ME3: variants seen among roughly 807,000 people sequenced by gnomAD.
The protein encoded by ME3 is NADP-dependent malic enzyme, mitochondrial.
Under a neutral mutation model 68.9 loss-of-function variants are expected in ME3, and 48 were observed. The observed-to-expected ratio is 0.70, with a 90% CI of 0.55 to 0.89. The LOEUF (loss-of-function observed/expected upper bound fraction) is 0.89, where lower values mean the gene tolerates loss of function less well. Among genes scored for constraint, ME3 ranks in the 40% least tolerant of loss-of-function variants. The probability of loss-of-function intolerance (pLI) is 0.00; values close to 1 mark genes in which losing one functional copy is unlikely to be tolerated. For missense variants in ME3, 675 were observed against 797.4 expected (o/e 0.85, Z 1.85); for synonymous variants, 320 against 318.8 (o/e 1.00, Z -0.04).
chr11:86,490,412 C>T (rs1951930547), intron 6 of ME3, among the ~76,000 whole-genome samples: 2 of 152,120 alleles, frequency 1.3e-5, no homozygotes, highest in Admixed American at 6.5e-5. Context: ...GAAAGTGGTG[C>T]ATACATGGTG....
chr11:86,666,691 C>T (rs1041314627), intron 2 of ME3, among the ~76,000 whole-genome samples: 2 of 152,174 alleles, frequency 1.3e-5, no homozygotes, highest in Admixed American at 1.3e-4. Flanking sequence ...GAGTAAATTG[C>T]CACTTATGGA....
intron 2 of ME3, among the ~76,000 whole-genome samples, chr11:86,560,273 G>A (rs770359055): frequency 9.2e-5 from 14 of 152,036 alleles, no homozygotes; most frequent in Non-Finnish European, 1.9e-4. Flanking sequence ...CATGAGATCT[G>A]GTTGTTTGAT....
intron 7 of ME3, among the ~76,000 whole-genome samples, chr11:86,484,709 CA>C (rs747656459): frequency 5.9e-5 from 9 of 152,142 alleles, no homozygotes; most frequent in Non-Finnish European, 1.3e-4. Context: ...AAACAGGAAG[CA>C]AAAAGTGGGC....
At chr11:86,578,508 C>G (rs189978468) in intron 2 of ME3, among the ~76,000 whole-genome samples, 4 of 152,222 alleles carry the variant, frequency 2.6e-5, no homozygotes, top group Admixed American at 2.6e-4. Context: ...GAACTGGACA[C>G]GAGACAACCA....
chr11:86,506,897 T>C (rs1267498828), intron 5 of ME3, among the ~76,000 whole-genome samples: 1 of 152,216 alleles, frequency 6.6e-6, no homozygotes, highest in East Asian at 1.9e-4. Flanking sequence ...CTAGACATGC[T>C]GTGGAAACTT....
At chr11:86,531,353 G>C (rs1356469185) in intron 4 of ME3, among the ~76,000 whole-genome samples, 2 of 151,992 alleles carry the variant, frequency 1.3e-5, no homozygotes, top group African/African-American at 4.8e-5. Flanking sequence ...GAAACAACAG[G>C]TGCTGGAGAG....
chr11:86,440,032 A>G (rs1189892560), downstream of ME3, among the ~76,000 whole-genome samples: 1 of 152,206 alleles, frequency 6.6e-6, no homozygotes, highest in Non-Finnish European at 1.5e-5. Flanking sequence ...AGACCTGAGC[A>G]AGAAGTGAGT....
At chr11:86,637,704 A>G (rs1944424223) in intron 2 of ME3, among the ~76,000 whole-genome samples, 1 of 152,152 alleles carries the variant, frequency 6.6e-6, no homozygotes, top group African/African-American at 2.4e-5. Context: ...GAAGCACAGG[A>G]AACTTTTTAA....
In ME3 at chr11:86,475,874, TAG is replaced by T. The variant is rs1555206746; in HGVS notation, c.810-10676_810-10675del. On this transcript the variant is annotated intron_variant, in intron 7 of 14. Coordinates refer to ENST00000543262, the Ensembl canonical transcript of ME3. ...CAGTATATATATATATATATATATA[TAG>T]AGAGAGAGAGAGAGAGAGAGAGAGA... 9.2e-3 allele frequency among the ~76,000 whole-genome samples: 844 copies of T among 91,462 alleles called. 15 individuals are homozygous for T. The highest frequency in any genetic ancestry group is 0.063 in the East Asian group (228 of 3,632). 60.0% of individuals were successfully genotyped at this position (91,462 alleles called of 152,430 possible).
chr11:86,532,091 T>A (rs10444371), intron 4 of ME3, among the ~76,000 whole-genome samples: 36,415 of 151,650 alleles, frequency 0.24, 4,480 homozygotes, highest in African/African-American at 0.27. Context: ...GACAGAACAG[T>A]ATAGATATTA....
chr11:86,613,148 C>T (rs941235382), intron 2 of ME3, among the ~76,000 whole-genome samples: 2 of 152,114 alleles, frequency 1.3e-5, no homozygotes, highest in African/African-American at 4.8e-5. Context: ...TTCCCAGCAC[C>T]GTTTACTAAA....
chr11:86,473,787 A>T (rs1950911679), intron 7 of ME3, among the ~76,000 whole-genome samples: 2 of 152,134 alleles, frequency 1.3e-5, no homozygotes, highest in South Asian at 2.1e-4. Flanking sequence ...GGGTGAAAAA[A>T]CTGGATACCG....
intron 2 of ME3, among the ~76,000 whole-genome samples, chr11:86,669,596 A>C (rs955087562): frequency 1.3e-5 from 2 of 152,194 alleles, no homozygotes; most frequent in Non-Finnish European, 2.9e-5. Flanking sequence ...TATCACGAGA[A>C]CAGCATGCAG....
chr11:86,579,757 A>T (rs1200935297), intron 2 of ME3, among the ~76,000 whole-genome samples: 1 of 152,142 alleles, frequency 6.6e-6, no homozygotes, highest in Non-Finnish European at 1.5e-5. Flanking sequence ...GAATTTAAGG[A>T]TAGGTGGTTG....
At chr11:86,457,334 T>A (rs541935206) in intron 8 of ME3, 1 of 190,500 alleles carries the variant, frequency 5.2e-6, no homozygotes, top group African/African-American at 2.4e-5. Context: ...TTGGTCCCCA[T>A]GAAACCCAGT....
chr11:86,565,423 T>A (rs1205179856), intron 2 of ME3, among the ~76,000 whole-genome samples: 2 of 152,212 alleles, frequency 1.3e-5, no homozygotes, highest in East Asian at 3.8e-4. Flanking sequence ...CGAATGATTA[T>A]ATGTCAGTGT....
intron 2 of ME3, among the ~76,000 whole-genome samples, chr11:86,636,227 G>A (rs1224323870): frequency 1.3e-5 from 2 of 148,816 alleles, no homozygotes; most frequent in African/African-American, 4.9e-5. Flanking sequence ...AGAGCTTAGG[G>A]ATGCCTATTA....
At chr11:86,496,882 TG>T (rs986171024) in intron 6 of ME3, among the ~76,000 whole-genome samples, 1 of 129,170 alleles carries the variant, frequency 7.7e-6, no homozygotes, top group African/African-American at 2.9e-5. Context: ...TATAAGTGCG[TG>T]GAAAAAAAAA....
chr11:86,599,932 A>G (rs1960297450), intron 2 of ME3, among the ~76,000 whole-genome samples: 1 of 152,186 alleles, frequency 6.6e-6, no homozygotes, highest in South Asian at 2.1e-4. Context: ...CTGCCCTAAA[A>G]GAGCTCCTGA....
Sources: allele counts gnomAD v4.1 joint callset (sites outside exome capture counted in the v4.1 genomes callset), GRCh38; gene constraint gnomAD v4.1.1; transcripts MANE v1.5; gene names NCBI Gene and HGNC (gene_info 2026-07-23, HGNC 2026-07-21).